KCNH1: variants seen among roughly 807,000 people sequenced by gnomAD.
The protein encoded by KCNH1 is potassium voltage-gated channel subfamily H member 1, also known as voltage-gated delayed rectifier potassium channel KCNH1.
In KCNH1, 27 loss-of-function variants were observed where a neutral mutation model predicts 69.2. The observed-to-expected ratio is 0.39, with a 90% CI of 0.29 to 0.54. The LOEUF (loss-of-function observed/expected upper bound fraction) is 0.54, where lower values mean the gene tolerates loss of function less well. Among genes scored for constraint, KCNH1 ranks in the 20% least tolerant of loss-of-function variants. KCNH1 has a pLI of 0.68. For missense variants in KCNH1, 798 were observed against 1,261.6 expected, an observed-to-expected ratio of 0.63 and a Z score of 5.57; for synonymous variants, 456 against 487.7, an observed-to-expected ratio of 0.93 and a Z score of 0.86.
chr1:211,100,854 C>A lies in KCNH1; in HGVS notation c.310+2642G>T, dbSNP rs573385911. Reference sequence around the variant, plus strand: ...TAGCAGCATCAGCATCACCTGGAAGCAGAACCTCAGATCCTTTGCTAGACC... The same window carrying A: ...TAGCAGCATCAGCATCACCTGGAAGAAGAACCTCAGATCCTTTGCTAGACC... On this transcript the variant is annotated intron_variant, in intron 3 of 10. Coordinates refer to ENST00000271751, the MANE Select transcript of KCNH1 (RefSeq NM_172362.3). Among the ~76,000 whole-genome samples the A allele has an allele frequency of 2.0e-5, 3 of 152,352 alleles. No individual in the cohort carries two copies. The East Asian group carries it at 5.8e-4, about 29-fold the overall frequency.
At chr1:211,045,056 A>T (rs1000482327) in intron 5 of KCNH1, among the ~76,000 whole-genome samples, 1 of 133,344 alleles carries the variant, frequency 7.5e-6, no homozygotes, top group Admixed American at 7.5e-5. Flanking sequence ...ATATATATAT[A>T]TATGAATAAT....
intron 1 of KCNH1, chr1:211,132,856 G>A (rs1056542164): frequency 6.6e-6 from 1 of 152,202 alleles, no homozygotes; most frequent in South Asian, 2.1e-4. Context: ...TTTCAATATA[G>A]CCATTTGATG....
At chr1:210,927,366 G>A (rs1030409703) in intron 6 of KCNH1, among the ~76,000 whole-genome samples, 4 of 152,342 alleles carry the variant, frequency 2.6e-5, no homozygotes, top group South Asian at 2.1e-4. Flanking sequence ...AGATTTCTCA[G>A]CAGAAACCCT....
chr1:210,895,894 C>T (rs1340372769), intron 7 of KCNH1, among the ~76,000 whole-genome samples: 1 of 152,168 alleles, frequency 6.6e-6, no homozygotes, highest in African/African-American at 2.4e-5. Context: ...CTAAACCATA[C>T]TGCAGCTGAG....
At chr1:210,793,448 A>G (rs1054169720) in intron 9 of KCNH1, among the ~76,000 whole-genome samples, 1 of 152,254 alleles carries the variant, frequency 6.6e-6, no homozygotes. Flanking sequence ...TTCATTTGCA[A>G]TGTAATATAC....
At chr1:210,940,430 T>C (rs771407108) in intron 6 of KCNH1, among the ~76,000 whole-genome samples, 3 of 152,226 alleles carry the variant, frequency 2.0e-5, no homozygotes, top group Non-Finnish European at 4.4e-5. Context: ...TTAACAGGTC[T>C]GTTGACTACA....
Position 210,875,038 on chromosome 1 carries a change from A to G in KCNH1, c.1462+44602T>C, listed in dbSNP as rs79967569. ...GGGAAGGAAGGAAGGAGGAAATGAA[A>G]AAGGAAGGCAAAAGAAGAGAAATGG... On this transcript the variant is annotated intron_variant, in intron 7 of 10. Coordinates refer to ENST00000271751, the MANE Select transcript of KCNH1 (RefSeq NM_172362.3). Among the ~76,000 whole-genome samples, 317 of 152,336 alleles carry G rather than the reference A, an allele frequency of 2.1e-3. 2 individuals carry two copies. The highest frequency in any genetic ancestry group is 7.2e-3 in the African/African-American group (299 of 41,580).
At chr1:210,962,950 T>C (rs1358309394) in intron 6 of KCNH1, among the ~76,000 whole-genome samples, 1 of 151,368 alleles carries the variant, frequency 6.6e-6, no homozygotes, top group African/African-American at 2.4e-5. Context: ...TAGTCATTTG[T>C]GCTTCCTCTT....
At chr1:210,995,660 GA>G in intron 6 of KCNH1, among the ~76,000 whole-genome samples, 1 of 152,294 alleles carries the variant, frequency 6.6e-6, no homozygotes, top group South Asian at 2.1e-4. Flanking sequence ...TATTTTTGCA[GA>G]GAAATGTATG....
intron 7 of KCNH1, among the ~76,000 whole-genome samples, chr1:210,839,835 T>A (rs769293737): frequency 6.6e-6 from 1 of 152,188 alleles, no homozygotes; most frequent in African/African-American, 2.4e-5. Flanking sequence ...TGTATTCATA[T>A]TGGGAAAAGT....
chr1:211,092,230 C>G (rs1691065489), intron 3 of KCNH1, among the ~76,000 whole-genome samples: 1 of 152,216 alleles, frequency 6.6e-6, no homozygotes, highest in East Asian at 1.9e-4. Context: ...ACCTGGCTTT[C>G]TCTGTCCACA....
At chr1:210,956,536 GTTT>G (rs770358496) in intron 6 of KCNH1, among the ~76,000 whole-genome samples, 2 of 122,270 alleles carry the variant, frequency 1.6e-5, no homozygotes, top group South Asian at 2.7e-4. Context: ...TGGTCCTGGA[GTTT>G]TTTTTTTTTT....
intron 5 of KCNH1, among the ~76,000 whole-genome samples, chr1:211,058,857 G>A (rs988322054): frequency 3.3e-5 from 5 of 152,020 alleles, no homozygotes; most frequent in Non-Finnish European, 7.4e-5. Context: ...GCTTCACCTA[G>A]AAGGACACAC....
chr1:210,907,697 G>C (rs1336788768), intron 7 of KCNH1, among the ~76,000 whole-genome samples: 1 of 152,206 alleles, frequency 6.6e-6, no homozygotes, highest in Non-Finnish European at 1.5e-5. Flanking sequence ...CACAGAAGAA[G>C]TAACATTAGC....
chr1:210,770,573 G>T (rs370800234), intron 10 of KCNH1, among the ~76,000 whole-genome samples: 1 of 152,220 alleles, frequency 6.6e-6, no homozygotes, highest in East Asian at 1.9e-4. Context: ...GGGTTAACCC[G>T]CTGCCTAACG....
At chr1:211,058,801 A>G (rs1690364390) in intron 5 of KCNH1, among the ~76,000 whole-genome samples, 1 of 152,236 alleles carries the variant, frequency 6.6e-6, no homozygotes, top group Admixed American at 6.5e-5. Context: ...AACTAAGTGG[A>G]TTAAAAATAA....
intron 6 of KCNH1, among the ~76,000 whole-genome samples, chr1:211,004,615 A>G (rs1689244754): frequency 6.6e-6 from 1 of 152,128 alleles, no homozygotes; most frequent in South Asian, 2.1e-4. Context: ...TGAAACAACT[A>G]AGAGCAAATA....
At chr1:210,783,319 A>G (rs866775823) in intron 9 of KCNH1, among the ~76,000 whole-genome samples, 3 of 152,186 alleles carry the variant, frequency 2.0e-5, no homozygotes, top group African/African-American at 7.2e-5. Context: ...GGGTGGGCAT[A>G]ATGCTAGGTG....
chr1:210,990,597 A>G (rs917970658), intron 6 of KCNH1, among the ~76,000 whole-genome samples: 4 of 152,160 alleles, frequency 2.6e-5, no homozygotes, highest in Non-Finnish European at 5.9e-5. Flanking sequence ...TTCTAAACCT[A>G]GCTGCATCCC....
Sources: allele counts gnomAD v4.1 joint callset (sites outside exome capture counted in the v4.1 genomes callset), GRCh38; gene constraint gnomAD v4.1.1; transcripts MANE v1.5; gene names NCBI Gene and HGNC (gene_info 2026-07-23, HGNC 2026-07-21).